CDKN2B-AS1: variants seen among roughly 807,000 people sequenced by gnomAD.
The protein encoded by CDKN2B-AS1 is CDKN2B and CDKN2A antisense cis and trans regulatory RNA 1, also known as CDKN2B antisense RNA 1 (non-protein coding).
rs912559091 is a variant in CDKN2B-AS1 at position 21,997,747 on chromosome 9, A to G, written n.29+2586A>G. ...TTTCAAGTCTACTGACTTAAATGTT[A>G]ATCATATCTAAAAAATACCTCCACA... is the stretch of plus-strand genomic sequence containing the variant. On this transcript the variant is annotated intron_variant and non_coding_transcript_variant, in intron 1 of 4. Transcript: ENST00000650946. The surrounding 1 kb of genome is among the most constrained non-coding windows in gnomAD (Gnocchi z 4.8). Among the ~76,000 whole-genome samples the G allele has an allele frequency of 2.0e-5, 3 of 152,046 alleles. No homozygotes were observed. The highest frequency in any genetic ancestry group is 4.4e-5 in the Non-Finnish European group (3 of 68,022).
intron 4 of CDKN2B-AS1, chr9:22,113,659 C>G (rs182926870): frequency 5.0e-4 from 76 of 152,236 alleles, no homozygotes; most frequent in African/African-American, 1.7e-3. Flanking sequence ...CCCTGCTTGC[C>G]TCACAGGATC....
intron 4 of CDKN2B-AS1, chr9:22,119,808 T>G (rs1826052255): frequency 6.6e-6 from 1 of 151,574 alleles, no homozygotes; most frequent in African/African-American, 2.4e-5. Context: ...TTTCCCTCAC[T>G]GCATTAGGTT....
chr9:22,124,616 A>G (rs1817990091), intron 4 of CDKN2B-AS1, among the ~76,000 whole-genome samples: 1 of 152,122 alleles, frequency 6.6e-6, no homozygotes, highest in African/African-American at 2.4e-5. Context: ...CTTAACCTCT[A>G]TTTTTTAAAA....
chr9:22,099,632 A>C (rs1246190591), intron 4 of CDKN2B-AS1, among the ~76,000 whole-genome samples: 1 of 152,186 alleles, frequency 6.6e-6, no homozygotes, highest in African/African-American at 2.4e-5. Flanking sequence ...AACTGATAGC[A>C]TCTCAAATTA....
At chr9:22,036,050 AG>A (rs1251464798) in intron 1 of CDKN2B-AS1, among the ~76,000 whole-genome samples, 10 of 152,022 alleles carry the variant, frequency 6.6e-5, no homozygotes, top group Admixed American at 3.3e-4. Context: ...TATTTTCTTG[AG>A]CCCCGTTTTT....
rs111685664 is a variant in CDKN2B-AS1, at chr9:22,128,087, C to G, written n.1423C>G. The stretch of plus-strand genomic sequence containing the variant: ...TATAATATTAAAACATTTCTGATAC[C>G]TATGCATTATATTGGATCAATATAT... On this transcript the variant is annotated non_coding_transcript_exon_variant, in exon 5 of 5. Transcript: ENST00000650946. 2.8e-3 allele frequency among the ~76,000 whole-genome samples: 431 copies of G among 152,148 alleles called. 1 individual carries two copies. The highest frequency in any genetic ancestry group is 9.9e-3 in the African/African-American group (412 of 41,522).
At chr9:22,064,437 GA>G (rs1389847214) in intron 4 of CDKN2B-AS1, among the ~76,000 whole-genome samples, 1 of 152,134 alleles carries the variant, frequency 6.6e-6, no homozygotes, top group Non-Finnish European at 1.5e-5. Context: ...GAAGGTTTCA[GA>G]AGGCATAGTG....
At chr9:22,040,179 C>A (rs1317086414) in intron 1 of CDKN2B-AS1, among the ~76,000 whole-genome samples, 1 of 151,930 alleles carries the variant, frequency 6.6e-6, no homozygotes, top group Non-Finnish European at 1.5e-5. Context: ...TACAGCAGTC[C>A]TAGCCGACTA....
intron 3 of CDKN2B-AS1, chr9:22,056,190 G>C (rs1823559565): frequency 6.9e-6 from 1 of 145,088 alleles, no homozygotes; most frequent in Admixed American, 6.9e-5. Context: ...ACCACATCCA[G>C]CTAATTTATA....
chr9:22,020,497 G>C (rs1322973224), intron 1 of CDKN2B-AS1, among the ~76,000 whole-genome samples: 2 of 152,274 alleles, frequency 1.3e-5, no homozygotes, highest in Middle Eastern at 3.4e-3. Flanking sequence ...CCCACCAGCA[G>C]AGTCTAAGTG....
At chr9:22,002,737 C>T (rs1024118865) in intron 1 of CDKN2B-AS1, among the ~76,000 whole-genome samples, 6 of 151,978 alleles carry the variant, frequency 3.9e-5, no homozygotes, top group African/African-American at 1.4e-4. Flanking sequence ...TTATCAGTCT[C>T]GAGCTCTCCT....
chr9:22,052,278 A>C (rs552257692), intron 3 of CDKN2B-AS1, among the ~76,000 whole-genome samples: 1 of 152,180 alleles, frequency 6.6e-6, no homozygotes, highest in East Asian at 1.9e-4. Flanking sequence ...AAAGCCCTAC[A>C]TGGTCCCTAG....
intron 4 of CDKN2B-AS1, among the ~76,000 whole-genome samples, chr9:22,099,578 C>T (rs574681997): frequency 2.6e-5 from 4 of 152,128 alleles, no homozygotes; most frequent in African/African-American, 9.6e-5. Context: ...TCATTGGCAG[C>T]ATTATTTGTC....
At position 22,056,234 on chromosome 9, in the gene CDKN2B-AS1, A is replaced by ATATTTTTTTTTTT. The variant is rs777560826; in HGVS notation, n.303-17_303-16insATTTTTTTTTTTT. On this transcript the variant is annotated splice_polypyrimidine_tract_variant and intron_variant and non_coding_transcript_variant, in intron 3 of 4. Transcript: ENST00000650946. ...TGTGTATATATATATATATATATAT[A>ATATTTTTTTTTTT]TTTTTTTTTTTTTCCAGTAGAGACG... is the stretch of plus-strand genomic sequence containing the variant. 175 of 98,212 alleles carry ATATTTTTTTTTTT rather than the reference A, an allele frequency of 1.8e-3. 2 individuals are homozygous for ATATTTTTTTTTTT. The East Asian group carries it at 0.052, about 29-fold the overall frequency. 6.1% of individuals were successfully genotyped at this position (98,212 alleles called of 1,614,324 possible).
intron 4 of CDKN2B-AS1, among the ~76,000 whole-genome samples, chr9:22,064,786 C>T (rs535608988): frequency 1.1e-4 from 17 of 152,008 alleles, no homozygotes; most frequent in Non-Finnish European, 2.2e-4. Flanking sequence ...AGCTGAGTGG[C>T]CAAACACACA....
intron 1 of CDKN2B-AS1, among the ~76,000 whole-genome samples, chr9:22,043,832 T>A (rs1215024515): frequency 6.6e-6 from 1 of 152,008 alleles, no homozygotes; most frequent in Non-Finnish European, 1.5e-5. Flanking sequence ...ACTACTAAAT[T>A]ATTTTTTTGT....
intron 4 of CDKN2B-AS1, among the ~76,000 whole-genome samples, chr9:22,122,048 C>T (rs1245692875): frequency 7.0e-6 from 1 of 143,552 alleles, no homozygotes; most frequent in South Asian, 2.3e-4. Context: ...CAAATCCCTG[C>T]CAGCATTTGT....
intron 4 of CDKN2B-AS1, among the ~76,000 whole-genome samples, chr9:22,094,423 G>C (rs1440926698): frequency 2.1e-5 from 3 of 144,488 alleles, no homozygotes; most frequent in Non-Finnish European, 2.9e-5. Flanking sequence ...TTTCCAACTT[G>C]GTTCCATTCT....
chr9:22,012,458 C>G, intron 1 of CDKN2B-AS1: 2 of 706,320 alleles, frequency 2.8e-6, no homozygotes, highest in Non-Finnish European at 5.3e-6. Context: ...GCGCTATGCT[C>G]TCCTGCACCC....
Sources: allele counts gnomAD v4.1 joint callset (sites outside exome capture counted in the v4.1 genomes callset), GRCh38; gene constraint gnomAD v4.1.1; non-coding constraint Gnocchi (gnomAD v3.1); transcripts MANE v1.5; gene names NCBI Gene and HGNC (gene_info 2026-07-23, HGNC 2026-07-21).